KCNIP4: variants seen among roughly 807,000 people sequenced by gnomAD.
KCNIP4 encodes Kv channel-interacting protein 4.
KCNIP4 carries 12 observed loss-of-function variants against 34.0 expected under a neutral mutation model. The ratio of observed to expected loss-of-function variants is 0.35; its 90% CI spans 0.23 to 0.57. The LOEUF (loss-of-function observed/expected upper bound fraction) is 0.57. KCNIP4 is among the 20% of genes least tolerant of loss of function. KCNIP4 has a pLI of 0.83. For synonymous variants in KCNIP4, 124 were observed against 102.2 expected, an observed-to-expected ratio of 1.21 and a Z score of -1.29; for missense variants, 238 against 311.7, an observed-to-expected ratio of 0.76 and a Z score of 1.78.
At chr4:21,244,492 A>G (rs1199792683) in intron 1 of KCNIP4, among the ~76,000 whole-genome samples, 1 of 152,218 alleles carries the variant, frequency 6.6e-6, no homozygotes, top group Non-Finnish European at 1.5e-5. Flanking sequence ...CAGTAGGAAG[A>G]CATAATTTTG....
intron 1 of KCNIP4, among the ~76,000 whole-genome samples, chr4:21,590,928 A>G (rs1378075559): frequency 6.6e-6 from 1 of 152,014 alleles, no homozygotes; most frequent in Non-Finnish European, 1.5e-5. Context: ...TCTGCTGAAT[A>G]TTTCTCAGTG....
chr4:20,900,961 C>T (rs1313653354), intron 1 of KCNIP4, among the ~76,000 whole-genome samples: 1 of 152,166 alleles, frequency 6.6e-6, no homozygotes, highest in African/African-American at 2.4e-5. Flanking sequence ...ATTGAGCAAA[C>T]ACATTGAATT....
At chr4:21,455,503 A>G (rs6843295) in intron 1 of KCNIP4, among the ~76,000 whole-genome samples, 16,597 of 151,966 alleles carry the variant, frequency 0.11, 1,144 homozygotes, top group Non-Finnish European at 0.15. Flanking sequence ...TTCATTGAGC[A>G]CTTGATTTAT....
chr4:20,868,318 T>C (rs1472787098), intron 2 of KCNIP4, among the ~76,000 whole-genome samples: 2 of 152,126 alleles, frequency 1.3e-5, no homozygotes, highest in African/African-American at 4.8e-5. Context: ...CCAGTCAGAA[T>C]GGCTATTATT....
intron 3 of KCNIP4, among the ~76,000 whole-genome samples, chr4:20,802,939 G>A (rs1489832642): frequency 6.6e-6 from 1 of 151,890 alleles, no homozygotes; most frequent in African/African-American, 2.4e-5. Flanking sequence ...GCCGGGCGTG[G>A]TGGCAGGCAC....
chr4:21,293,901 T>C (rs1471112834), intron 1 of KCNIP4, among the ~76,000 whole-genome samples: 1 of 152,210 alleles, frequency 6.6e-6, no homozygotes, highest in East Asian at 1.9e-4. Context: ...CTGATCATGA[T>C]CTAGCCCTAT....
rs183854226 is a variant in KCNIP4, at chr4:21,276,591, A to T, written c.62-393882T>A. ...AGTGCTTTGAGTTTGAAGTTGTTCA[A>T]CTTGACCCTGGTCTATGTGTCTTAC... On this transcript the variant is annotated intron_variant, in intron 1 of 8. Coordinates refer to ENST00000382152, the MANE Select transcript of KCNIP4 (RefSeq NM_025221.6). Among the ~76,000 whole-genome samples the T allele has an allele frequency of 2.0e-5, 3 of 152,096 alleles. No individual in the cohort carries two copies. The East Asian group carries it at 5.8e-4, about 29-fold the overall frequency.
At chr4:21,589,136 G>A (rs1352931050) in intron 1 of KCNIP4, among the ~76,000 whole-genome samples, 1 of 126,214 alleles carries the variant, frequency 7.9e-6, no homozygotes, top group Non-Finnish European at 1.6e-5. Context: ...AGTGCTGTAG[G>A]GGCACAAAAA....
chr4:21,501,248 T>TCTCACACACACACACACA lies in KCNIP4; in HGVS notation c.61+447322_61+447323insTGTGTGTGTGTGTGTGAG, dbSNP rs764571152. On this transcript the variant is annotated intron_variant, in intron 1 of 8. Transcript: ENST00000382152. ...TTCTCTCTCTCTCTCTCTCTCTCTC[T>TCTCACACACACACACACA]CACACACACACACACACACACACAC... Among the ~76,000 whole-genome samples, 53 of 104,292 alleles carry TCTCACACACACACACACA rather than the reference T, an allele frequency of 5.1e-4. No individual in the cohort carries two copies. In the South Asian group the frequency reaches 0.011, roughly 22 times the overall value. 68.4% of individuals were successfully genotyped at this position (104,292 alleles called of 152,430 possible). A position where few individuals can be genotyped will look rare whatever the true frequency, so the allele number is the denominator to read the frequency against.
intron 1 of KCNIP4, among the ~76,000 whole-genome samples, chr4:21,198,640 T>TA (rs1365371584): frequency 6.6e-6 from 1 of 152,202 alleles, no homozygotes; most frequent in Non-Finnish European, 1.5e-5. Context: ...TACCAAGAGA[T>TA]AGAGTCCTCA....
intron 2 of KCNIP4, among the ~76,000 whole-genome samples, chr4:20,858,351 T>C (rs899346560): frequency 6.6e-6 from 1 of 151,970 alleles, no homozygotes; most frequent in Non-Finnish European, 1.5e-5. Context: ...CCTTTAGAAT[T>C]GTGAGAGAAT....
intron 1 of KCNIP4, among the ~76,000 whole-genome samples, chr4:21,350,399 C>A (rs1578113541): frequency 1.3e-5 from 2 of 152,194 alleles, no homozygotes; most frequent in South Asian, 4.2e-4. Flanking sequence ...CTGAATATAC[C>A]CCAAGGAATA....
intron 5 of KCNIP4, among the ~76,000 whole-genome samples, chr4:20,748,560 T>TTATATATATATATA (rs3075750): frequency 6.2e-5 from 4 of 64,910 alleles, no homozygotes; most frequent in Non-Finnish European, 1.2e-4. Context: ...CTTCCAAATT[T>TTATATATATATATA]TATATATATA....
chr4:21,633,761 T>A (rs1313346376), intron 1 of KCNIP4, among the ~76,000 whole-genome samples: 2 of 152,146 alleles, frequency 1.3e-5, no homozygotes, highest in Admixed American at 6.5e-5. Context: ...GAATTTAAAC[T>A]GAGAAATTAT....
chr4:21,367,115 T>C (rs930563470), intron 1 of KCNIP4, among the ~76,000 whole-genome samples: 1 of 152,118 alleles, frequency 6.6e-6, no homozygotes, highest in Non-Finnish European at 1.5e-5. Context: ...AGAACAGCCC[T>C]TATCAGACAC....
chr4:21,616,591 C>A (rs1744625660), intron 1 of KCNIP4, among the ~76,000 whole-genome samples: 1 of 152,056 alleles, frequency 6.6e-6, no homozygotes, highest in African/African-American at 2.4e-5. Context: ...GTCAGCAGGA[C>A]CAAACTTTCT....
intron 1 of KCNIP4, among the ~76,000 whole-genome samples, chr4:21,946,087 T>C (rs976846229): frequency 4.0e-5 from 6 of 151,218 alleles, no homozygotes; most frequent in African/African-American, 1.2e-4. Flanking sequence ...AGTTTCAGAA[T>C]TGCAACTCGA....
chr4:21,856,435 G>C (rs916279905), intron 1 of KCNIP4, among the ~76,000 whole-genome samples: 10 of 152,218 alleles, frequency 6.6e-5, no homozygotes, highest in African/African-American at 1.2e-4. Context: ...CTGCTGCCAT[G>C]ATGCCGCATG....
chr4:21,595,098 C>T (rs1742536302), intron 1 of KCNIP4, among the ~76,000 whole-genome samples: 1 of 151,982 alleles, frequency 6.6e-6, no homozygotes, highest in Non-Finnish European at 1.5e-5. Flanking sequence ...GGTTTTAAGT[C>T]CCACATACAT....
Sources: allele counts gnomAD v4.1 joint callset (sites outside exome capture counted in the v4.1 genomes callset), GRCh38; gene constraint gnomAD v4.1.1; transcripts MANE v1.5; gene names NCBI Gene and HGNC (gene_info 2026-07-23, HGNC 2026-07-21).